ERC1: variants seen among roughly 807,000 people sequenced by gnomAD.
ERC1 encodes RAB6 interacting protein 2.
A neutral mutation model predicts 132.0 loss-of-function variants in ERC1; 56 were observed. The observed-to-expected ratio is 0.42, with a 90% CI of 0.34 to 0.53. The LOEUF (loss-of-function observed/expected upper bound fraction) is 0.53, where lower values mean the gene tolerates loss of function less well. Among genes scored for constraint, ERC1 ranks in the 20% least tolerant of loss-of-function variants. ERC1 has a pLI of 0.03. For synonymous variants in ERC1, 478 were observed against 476.1 expected, an observed-to-expected ratio of 1.00 and a Z score of -0.05; for missense variants, 1,202 against 1,349.9, an observed-to-expected ratio of 0.89 and a Z score of 1.72.
chr12:1,031,223 A>G (rs559430848), intron 2 of ERC1, among the ~76,000 whole-genome samples: 12 of 152,336 alleles, frequency 7.9e-5, no homozygotes, highest in African/African-American at 2.9e-4. Flanking sequence ...AAAGCAAAAT[A>G]TATTCCAGAT....
At chr12:1,393,001 GA>G (rs2090109466) in intron 16 of ERC1, among the ~76,000 whole-genome samples, 1 of 152,110 alleles carries the variant, frequency 6.6e-6, no homozygotes, top group South Asian at 2.1e-4. Flanking sequence ...GAGTATAGGA[GA>G]AAAAAATGGT....
In ERC1 at chr12:1,009,177, AT is replaced by A. The variant is rs766670323; in HGVS notation, c.-157+17870del. 5.1e-3 allele frequency among the ~76,000 whole-genome samples: 739 copies of A among 143,808 alleles called. 1 individual carries two copies. The highest frequency in any genetic ancestry group is 9.2e-3 in the Admixed American group (131 of 14,278). 94.3% of individuals were successfully genotyped at this position (143,808 alleles called of 152,430 possible). A position where few individuals can be genotyped will look rare whatever the true frequency, so the allele number is the denominator to read the frequency against. On this transcript the variant is annotated intron_variant, in intron 1 of 18. Transcript: ENST00000360905. ...TATGCAGTATCTTGTGGTGGTAAAG[AT>A]TTTTTTTTTTTTTTGAGACAGAGTC... is the stretch of plus-strand genomic sequence containing the variant.
Position 1,183,434 on chromosome 12 carries a change from A to G in ERC1, c.2157+13A>G. On this transcript the variant is annotated intron_variant, in intron 11 of 18. Coordinates refer to ENST00000360905, the MANE Select transcript of ERC1 (RefSeq NM_178040.4). ...ACAATTGAAAAAGGTTAAAGAAAAA[A>G]TTTCACATTTTTTTGCTTTGCCTTA... is the stretch of plus-strand genomic sequence containing the variant. 4.5e-6 allele frequency: 7 copies of G among 1,549,868 alleles called. No homozygotes were observed. Among genetic ancestry groups the G allele is most frequent in the Non-Finnish European group, 6.2e-6 (7 of 1,137,040 alleles).
chr12:1,243,014 C>A (rs921014179), intron 13 of ERC1, among the ~76,000 whole-genome samples: 1 of 151,126 alleles, frequency 6.6e-6, no homozygotes, highest in African/African-American at 2.4e-5. Flanking sequence ...GGTGAAACCC[C>A]GTCTCTACTA....
At chr12:1,352,812 G>A (rs1421588932) in intron 15 of ERC1, among the ~76,000 whole-genome samples, 2 of 152,004 alleles carry the variant, frequency 1.3e-5, no homozygotes, top group Non-Finnish European at 2.9e-5. Context: ...TTCTCTTTTT[G>A]TTTCTTTCAA....
At chr12:1,465,396 A>G (rs2093724146) in intron 18 of ERC1, among the ~76,000 whole-genome samples, 2 of 152,222 alleles carry the variant, frequency 1.3e-5, no homozygotes, top group East Asian at 1.9e-4. Flanking sequence ...GAGACGGCCT[A>G]GAAATACAAG....
Position 1,266,352 on chromosome 12 carries a change from C to G in ERC1, c.2619+3187C>G, listed in dbSNP as rs58567651. Among the ~76,000 whole-genome samples, 269 of 149,344 alleles carry G rather than the reference C, an allele frequency of 1.8e-3. 1 individual carries two copies. Among genetic ancestry groups the G allele is most frequent in the African/African-American group, 6.2e-3 (253 of 40,506 alleles). On this transcript the variant is annotated intron_variant, in intron 14 of 18. Transcript: ENST00000360905. Reference sequence around the variant, plus strand: ...TTACAACCTTCATCTACTGTCCTCTCCTCTCCCATTTTTTATTATTATTTT... The same window carrying G: ...TTACAACCTTCATCTACTGTCCTCTGCTCTCCCATTTTTTATTATTATTTT...
At chr12:1,055,760 ATTAT>A (rs1972835627) in intron 2 of ERC1, among the ~76,000 whole-genome samples, 1 of 152,196 alleles carries the variant, frequency 6.6e-6, no homozygotes, top group African/African-American at 2.4e-5. Context: ...GGTAGATTTT[ATTAT>A]TTGTTTCCTT....
intron 12 of ERC1, among the ~76,000 whole-genome samples, chr12:1,225,443 G>A (rs1379463924): frequency 1.2e-5 from 1 of 83,804 alleles, no homozygotes; most frequent in African/African-American, 9.3e-5. Context: ...AAATGAGGCT[G>A]TCTCTTACAC....
intron 17 of ERC1, among the ~76,000 whole-genome samples, chr12:1,420,921 G>T (rs1315071480): frequency 4.6e-4 from 3 of 6,508 alleles, no homozygotes; most frequent in Admixed American, 5.1e-3. Flanking sequence ...TTTTGGTTTG[G>T]GGGGGGGGGG....
intron 14 of ERC1, among the ~76,000 whole-genome samples, chr12:1,264,030 A>G (rs938160569): frequency 6.6e-6 from 1 of 152,122 alleles, no homozygotes; most frequent in East Asian, 1.9e-4. Context: ...GAAAAACGTT[A>G]ATTTCAAATA....
intron 15 of ERC1, among the ~76,000 whole-genome samples, chr12:1,294,536 A>G (rs961493237): frequency 2.0e-5 from 3 of 152,156 alleles, no homozygotes; most frequent in Non-Finnish European, 4.4e-5. Flanking sequence ...CTGTGTAGGG[A>G]TGAAATTAAG....
chr12:1,387,228 T>G (rs995387408), intron 16 of ERC1, among the ~76,000 whole-genome samples: 1 of 152,238 alleles, frequency 6.6e-6, no homozygotes, highest in East Asian at 1.9e-4. Flanking sequence ...TTTGGGACTT[T>G]CAAGTGATGC....
At chr12:1,359,326 A>G (rs2085852711) in intron 15 of ERC1, among the ~76,000 whole-genome samples, 1 of 152,170 alleles carries the variant, frequency 6.6e-6, no homozygotes, top group African/African-American at 2.4e-5. Context: ...AATAGAGACA[A>G]CTCACTAGAA....
At position 1,306,637 on chromosome 12, in the gene ERC1, A is replaced by G. The variant is rs186748918; in HGVS notation, c.2780+16625A>G. ...AGTAGATGCTGCAGCTCTGCTTGCT[A>G]GGGATGAAATCCTATTTTATGAAAT... On this transcript the variant is annotated intron_variant, in intron 15 of 18. Transcript: ENST00000360905. Among the ~76,000 whole-genome samples the G allele has an allele frequency of 3.6e-4, 55 of 152,310 alleles. 1 individual carries two copies. The highest frequency in any genetic ancestry group is 1.3e-3 in the African/African-American group (55 of 41,564).
At chr12:1,247,728 G>A (rs2076242617) in intron 13 of ERC1, among the ~76,000 whole-genome samples, 1 of 152,222 alleles carries the variant, frequency 6.6e-6, no homozygotes, top group Non-Finnish European at 1.5e-5. Context: ...CGGGCACGGT[G>A]GCTCATGCCT....
rs564764099 is a variant in ERC1, at chr12:1,320,936, C to T, written c.2780+30924C>T. 2.6e-5 allele frequency among the ~76,000 whole-genome samples: 4 copies of T among 152,270 alleles called. No individual in the cohort carries two copies. The East Asian group carries it at 5.8e-4, about 22-fold the overall frequency. ...CAGGATGGTCTTGATCTCCTGACCTCGTGATCCGCCTGCCTCAGCTTCCCA... is the reference window on the plus strand; with the variant it reads ...CAGGATGGTCTTGATCTCCTGACCTTGTGATCCGCCTGCCTCAGCTTCCCA... On this transcript the variant is annotated intron_variant, in intron 15 of 18. Coordinates refer to ENST00000360905, the MANE Select transcript of ERC1 (RefSeq NM_178040.4).
chr12:1,147,129 G>T lies in ERC1; in HGVS notation c.1737+5342G>T, dbSNP rs560571692. On this transcript the variant is annotated intron_variant, in intron 8 of 18. Transcript: ENST00000360905. ...AGCAGCATGATTTATAATGCTTTGGGTATATACCCAGTAATGGGATGGCTG... is the reference window on the plus strand; with the variant it reads ...AGCAGCATGATTTATAATGCTTTGGTTATATACCCAGTAATGGGATGGCTG... 1.2e-4 allele frequency among the ~76,000 whole-genome samples: 19 copies of T among 152,316 alleles called. 1 individual carries two copies. The South Asian group carries it at 3.9e-3, about 32-fold the overall frequency.
chr12:1,376,585 C>T (rs1028373074), intron 16 of ERC1, among the ~76,000 whole-genome samples: 46 of 152,252 alleles, frequency 3.0e-4, no homozygotes, highest in African/African-American at 1.0e-3. Context: ...TTTGGGGAAG[C>T]GCTTCAGACC....
Sources: allele counts gnomAD v4.1 joint callset (sites outside exome capture counted in the v4.1 genomes callset), GRCh38; gene constraint gnomAD v4.1.1; transcripts MANE v1.5; gene names NCBI Gene and HGNC (gene_info 2026-07-23, HGNC 2026-07-21).